Variants in KANSL3 observed in about 807,000 individuals in gnomAD.
KANSL3 encodes the protein NSL complex protein NSL3.
KANSL3 carries 16 observed loss-of-function variants against 89.2 expected under a neutral mutation model. The ratio of observed to expected loss-of-function variants is 0.18; its 90% confidence interval spans 0.12 to 0.27. The LOEUF (loss-of-function observed/expected upper bound fraction) is 0.27. Among genes scored for constraint, KANSL3 ranks in the 10% least tolerant of loss-of-function variants. The pLI is 1.00. For missense variants in KANSL3, 879 were observed against 1,110.6 expected (o/e 0.79, Z 2.96); for synonymous variants, 385 against 419.7 (o/e 0.92, Z 1.01).
intron 11 of KANSL3, 104 bp downstream of exon 11, chr2:96,610,622 T>C (rs1453182599): frequency 2.2e-6 from 3 of 1,375,526 alleles, no homozygotes; most frequent in African/African-American, 1.4e-5. Context: ...GCTAATGCTG[T>C]CTTTTAACTG....
At chr2:96,613,819 A>G (rs1351825550) in intron 5 of KANSL3, among the ~76,000 whole-genome samples, 200 bp from the exon 6 acceptor site, 2 of 152,112 alleles carry the variant, frequency 1.3e-5, no homozygotes, top group South Asian at 2.1e-4. Context: ...GAATGTGTAC[A>G]ATCCTTTGGA....
In KANSL3 at chr2:96,620,464, T is replaced by G. The variant is rs76794442; in HGVS notation, c.387-702A>C. 4.4e-4 allele frequency among the ~76,000 whole-genome samples: 67 copies of G among 152,318 alleles called. 1 individual carries two copies. In the East Asian group the frequency reaches 7.7e-3, roughly 18 times the overall value. On this transcript the variant is annotated intron_variant, in intron 3 of 20. Transcript: ENST00000431828. ...TTCACACATCTACCTTATTGCTTATTGCTTACCTATTACTTACTGAGGCTT... is the reference window on the plus strand; with the variant it reads ...TTCACACATCTACCTTATTGCTTATGGCTTACCTATTACTTACTGAGGCTT...
At chr2:96,600,260 T>A (rs2066993081) in intron 20 of KANSL3, 3 of 216,628 alleles carry the variant, frequency 1.4e-5, no homozygotes, top group Non-Finnish European at 2.4e-5. Flanking sequence ...GAAAAAAAAA[T>A]TTGAATGGAT....
chr2:96,580,591 G>A, the KANSL3 span, among the ~76,000 whole-genome samples: 1 of 152,106 alleles, frequency 6.6e-6, no homozygotes, highest in African/African-American at 2.4e-5. Context: ...AGGATAGTGT[G>A]GTAATGTTCT....
chr2:96,590,012 TAGAC>T (rs1186390475), downstream of KANSL3, among the ~76,000 whole-genome samples: 3 of 149,238 alleles, frequency 2.0e-5, no homozygotes, highest in South Asian at 2.1e-4. Flanking sequence ...AAAAAAAAAT[TAGAC>T]AGGTGTGGTG....
chr2:96,611,903 A>ATATATGTGTGTGTG lies in KANSL3; in HGVS notation c.1086+378_1086+379insCACACACACATATA, dbSNP rs376030964. ...TTTTTTTCCACAGATATATACCCAT[A>ATATATGTGTGTGTG]TGTGTGTGTGTGTGTGTGTGTGTGT... On this transcript the variant is annotated intron_variant, in intron 9 of 20. Transcript: ENST00000431828. Among the ~76,000 whole-genome samples, 98 of 113,324 alleles carry ATATATGTGTGTGTG rather than the reference A, an allele frequency of 8.6e-4. 2 individuals carry two copies. Among genetic ancestry groups the ATATATGTGTGTGTG allele is most frequent in the Admixed American group, 7.9e-3 (80 of 10,168 alleles). The allele number at this position is 113,324 out of a possible 152,430, so 74.3% of individuals were successfully genotyped here. A position where few individuals can be genotyped will look rare whatever the true frequency, so the allele number is the denominator to read the frequency against.
At chr2:96,589,071 A>AC (rs1285919770), downstream of KANSL3, among the ~76,000 whole-genome samples, 1 of 152,226 alleles carries the variant, frequency 6.6e-6, no homozygotes. Flanking sequence ...AAAAAACTAT[A>AC]CAAGGAGATA....
Position 96,619,448 on chromosome 2 carries a change from T to C in KANSL3, c.574A>G (p.Ile192Val). ...ACAAGGGTGGTGTGCAGCCACTGGA[T>C]CAGCTTGGTATCCCAGCTCACACTT... ...LASVSWDTKL[I>V]QWLHTTLVET... The change falls in exon 5 of 21, where the codon ATC becomes GTC. Residue 192 changes from isoleucine (I) to valine (V), a missense_variant. Transcript: ENST00000431828. 1 of 1,614,012 alleles carries C rather than the reference T, an allele frequency of 6.2e-7. No individual in the cohort carries two copies. Among genetic ancestry groups the C allele is most frequent in the Non-Finnish European group, 8.5e-7 (1 of 1,179,892 alleles).
chr2:96,606,626 T>C (rs1040266234), intron 14 of KANSL3: 10 of 209,086 alleles, frequency 4.8e-5, no homozygotes, highest in East Asian at 3.2e-4. Context: ...AGCCACCAGA[T>C]AAACACAGGA....
In KANSL3 at chr2:96,631,414, T is replaced by C; in HGVS notation, c.284A>G (p.Lys95Arg). The change falls in exon 3 of 21, where the codon AAG (lysine) becomes AGG (arginine). Residue 95 changes from lysine to arginine, a missense_variant. Around this residue, in one of 6 missense-constraint regions of KANSL3, gnomAD observed 210 missense variants for 311.9 expected, o/e 0.67. Transcript: ENST00000431828. ...STPMPLYDNQ[K>R]ARSVMNECER... ...ACACTCATTCATCACGCTGCGTGCC[T>C]TCTGATTGTCATAGAGTGGCATAGG... 1 of 1,603,234 alleles carries C rather than the reference T, an allele frequency of 6.2e-7. No individual in the cohort carries two copies.
chr2:96,604,150 T>A (rs1558667266), intron 17 of KANSL3, 100 bp downstream of exon 17: 1 of 1,348,826 alleles, frequency 7.4e-7, no homozygotes, highest in East Asian at 2.4e-5. Context: ...CAGAGGCCCA[T>A]CCTATGGATT....
intron 16 of KANSL3, 50 bp downstream of exon 16, chr2:96,604,729 A>C (rs2067710760): frequency 1.4e-6 from 2 of 1,474,026 alleles, no homozygotes; most frequent in Admixed American, 4.0e-5. Flanking sequence ...AACCAGAAAC[A>C]GAGGGAAGGG....
intron 20 of KANSL3, chr2:96,598,243 T>G (rs1338217912): frequency 1.9e-6 from 1 of 527,692 alleles, no homozygotes; most frequent in Non-Finnish European, 2.4e-6. Context: ...AAAACTGTTT[T>G]AGAGTATGAG....
chr2:96,584,354 T>A, the KANSL3 span, among the ~76,000 whole-genome samples: 3 of 152,192 alleles, frequency 2.0e-5, no homozygotes, highest in Admixed American at 2.0e-4. Flanking sequence ...ATTGTATGTA[T>A]TTATGGGGCA....
intron 5 of KANSL3, among the ~76,000 whole-genome samples, chr2:96,616,545 C>T (rs1319944792): frequency 1.3e-5 from 2 of 152,224 alleles, no homozygotes; most frequent in Non-Finnish European, 2.9e-5. Flanking sequence ...TCCACCTGCG[C>T]TTTCACATCC....
chr2:96,619,271 G>C, intron 5 of KANSL3, 88 bp downstream of exon 5: 1 of 1,286,760 alleles, frequency 7.8e-7, no homozygotes, highest in Admixed American at 2.4e-5. Flanking sequence ...AGACCGACCA[G>C]ATAATTACTT....
rs553271202 is a variant in KANSL3 at position 96,608,913 on chromosome 2, C to T, written c.1535G>A (p.Arg512Gln). 19 of 1,571,766 alleles carry T rather than the reference C, an allele frequency of 1.2e-5. No homozygotes were observed. The highest frequency in any genetic ancestry group is 1.9e-5 in the Admixed American group (1 of 53,240). ...LAFEVPERGS[R>Q]PASPAAKLPA... ...CAGCTTGGCAGCTGGGGAGGCAGGT[C>T]GACTGCCCCGCTCAGGGACTTCAAA... The change falls in exon 13 of 21, where the codon CGA (arginine) becomes CAA (glutamine). Residue 512 changes from arginine (R) to glutamine (Q), a missense_variant. By Grantham distance (43) the Arg-to-Gln change is conservative. Coordinates refer to ENST00000431828, the MANE Select transcript of KANSL3 (RefSeq NM_001115016.3).
chr2:96,612,437 T>C, intron 8 of KANSL3, 25 bp downstream of exon 8: 3 of 1,607,178 alleles, frequency 1.9e-6, no homozygotes, highest in Non-Finnish European at 2.6e-6. Flanking sequence ...TATGCCACAA[T>C]GTACTGAAAT....
chr2:96,597,830 T>C (rs866170120), intron 20 of KANSL3, among the ~76,000 whole-genome samples: 6 of 152,270 alleles, frequency 3.9e-5, no homozygotes, highest in Middle Eastern at 3.4e-3. Context: ...TTCGATCTCT[T>C]GACCTCGTGA....
Sources: gnomAD v4.1 joint callset for allele counts (sites outside exome capture counted in the v4.1 genomes callset) on GRCh38, gnomAD v4.1.1 for gene constraint, gnomAD v4.1.1 regional missense constraint, MANE v1.5 for transcripts, NCBI Gene and HGNC (gene_info 2026-07-23, HGNC 2026-07-21) for gene names.